The following DLG2 variants were observed in gnomAD, a reference collection of about 807,000 sequenced individuals.
The protein encoded by DLG2 is disks large homolog 2.
A neutral mutation model predicts 132.5 loss-of-function variants in DLG2; 45 were observed. That is an observed-to-expected ratio of 0.34 (90% confidence interval 0.27 to 0.44). The LOEUF is 0.44. DLG2 is among the 20% of genes least tolerant of loss of function. The pLI is 1.00. For synonymous variants in DLG2, 424 were observed against 419.6 expected (o/e 1.01, Z -0.13); for missense variants, 1,045 against 1,196.9 (o/e 0.87, Z 1.87).
At chr11:83,882,971 GCCAC>G (rs1287036717) in intron 15 of DLG2, among the ~76,000 whole-genome samples, 2 of 152,110 alleles carry the variant, frequency 1.3e-5, no homozygotes, top group African/African-American at 2.4e-5. Context: ...TCCATCCTGT[GCCAC>G]TGCGACCCAT....
intron 6 of DLG2, among the ~76,000 whole-genome samples, chr11:84,860,113 C>T (rs1462321109): frequency 1.3e-5 from 2 of 152,144 alleles, no homozygotes; most frequent in East Asian, 3.9e-4. Flanking sequence ...CAGAAATCAA[C>T]AAACATTTGT....
chr11:83,650,212 C>T (rs1350251112), intron 18 of DLG2, among the ~76,000 whole-genome samples: 1 of 152,170 alleles, frequency 6.6e-6, no homozygotes. Flanking sequence ...ACTTGCTATG[C>T]TGAAAGGGAC....
At chr11:84,419,447 CTATT>C (rs1453423349) in intron 7 of DLG2, among the ~76,000 whole-genome samples, 1 of 152,158 alleles carries the variant, frequency 6.6e-6, no homozygotes, top group East Asian at 1.9e-4. Context: ...GAAGTAAAAT[CTATT>C]TATTCTGGAC....
At chr11:84,999,393 C>T (rs1296266415) in intron 6 of DLG2, among the ~76,000 whole-genome samples, 3 of 152,084 alleles carry the variant, frequency 2.0e-5, no homozygotes, top group Admixed American at 2.0e-4. Flanking sequence ...TTAAAACCAT[C>T]ATGTTCAAAG....
chr11:83,631,671 A>AT (rs1374095548), intron 19 of DLG2: 2 of 152,130 alleles, frequency 1.3e-5, no homozygotes, highest in Non-Finnish European at 2.9e-5. Flanking sequence ...TTAGCAATAT[A>AT]TTTCAGCAAA....
chr11:84,793,753 G>C lies in DLG2; in HGVS notation c.358-259022C>G, dbSNP rs202074798. On this transcript the variant is annotated intron_variant, in intron 6 of 27. Transcript: ENST00000376104. ...TCTTTTTTTGGTTTCCATTAGCATG[G>C]AATATCTTTTTCTATTTTTATTCTA... is the stretch of plus-strand genomic sequence containing the variant. Among the ~76,000 whole-genome samples the C allele has an allele frequency of 9.9e-5, 15 of 152,048 alleles. No individual in the cohort carries two copies. The East Asian group carries it at 2.1e-3, about 21-fold the overall frequency.
At chr11:84,362,096 G>T (rs556243113) in intron 7 of DLG2, among the ~76,000 whole-genome samples, 9 of 151,890 alleles carry the variant, frequency 5.9e-5, no homozygotes, top group Non-Finnish European at 1.3e-4. Context: ...TTAAAAGGTA[G>T]AGATTGATGG....
chr11:84,022,818 A>G (rs1338526811), intron 11 of DLG2, among the ~76,000 whole-genome samples: 1 of 152,156 alleles, frequency 6.6e-6, no homozygotes, highest in Non-Finnish European at 1.5e-5. Flanking sequence ...TATATTAAAC[A>G]AGCAGGTTTT....
chr11:83,883,938 T>C (rs186516720), intron 15 of DLG2, among the ~76,000 whole-genome samples: 3 of 152,272 alleles, frequency 2.0e-5, no homozygotes, highest in African/African-American at 7.2e-5. Flanking sequence ...AAATTTTAGT[T>C]AGAAATTTTA....
intron 3 of DLG2, among the ~76,000 whole-genome samples, chr11:85,480,426 A>G (rs2153088434): frequency 6.6e-6 from 1 of 152,334 alleles, no homozygotes; most frequent in Non-Finnish European, 1.5e-5. Context: ...AAAAAAGTGA[A>G]CAGGAGCTAC....
intron 6 of DLG2, among the ~76,000 whole-genome samples, chr11:84,705,324 CA>C (rs2059672901): frequency 6.6e-6 from 1 of 151,644 alleles, no homozygotes; most frequent in African/African-American, 2.4e-5. Context: ...AAGACCAGAG[CA>C]ACATGGCTGA....
intron 8 of DLG2, among the ~76,000 whole-genome samples, chr11:84,192,514 A>C (rs1285057269): frequency 6.6e-6 from 1 of 152,166 alleles, no homozygotes; most frequent in Admixed American, 6.5e-5. Flanking sequence ...GTGGATCATG[A>C]GGTCAAGAGA....
At chr11:84,917,785 T>G (rs55994072) in intron 6 of DLG2, among the ~76,000 whole-genome samples, 6 of 152,294 alleles carry the variant, frequency 3.9e-5, no homozygotes, top group Non-Finnish European at 8.8e-5. Context: ...TAAGTAGGCT[T>G]AGATATTATA....
At chr11:85,236,743 A>G (rs2075607716) in intron 4 of DLG2, among the ~76,000 whole-genome samples, 1 of 152,030 alleles carries the variant, frequency 6.6e-6, no homozygotes, top group South Asian at 2.1e-4. Flanking sequence ...TGTGCATATA[A>G]CAAATGAGGA....
intron 9 of DLG2, 138 bp from the exon 10 acceptor site, chr11:84,099,185 C>T: frequency 2.8e-6 from 2 of 716,056 alleles, no homozygotes; most frequent in Admixed American, 2.8e-5. Context: ...ATAAAGTGCA[C>T]AGTTAGCAGA....
intron 8 of DLG2, among the ~76,000 whole-genome samples, chr11:84,195,111 G>A (rs902678289): frequency 6.6e-5 from 10 of 152,136 alleles, no homozygotes; most frequent in Admixed American, 1.3e-4. Context: ...CAGAGCAAGC[G>A]AGGGCTGCTA....
rs1307508567 is a variant in DLG2, at chr11:83,874,276, G to GAA, written c.1565+143_1565+144insTT. On this transcript the variant is annotated intron_variant, in intron 16 of 27. Coordinates refer to ENST00000376104, the MANE Select transcript of DLG2 (RefSeq NM_001142699.3). ...GGAAGGAAGGAAAGAAGGAAGGAAG[G>GAA]GGAGAAGGAAGGAAGGGAGGAAGGA... 28 of 119,982 alleles carry GAA rather than the reference G, an allele frequency of 2.3e-4. No individual in the cohort carries two copies. In the Middle Eastern group the frequency reaches 3.2e-3, roughly 14 times the overall value. The allele number at this position is 119,982 out of a possible 1,614,324, so 7.4% of individuals were successfully genotyped here. A position where few individuals can be genotyped will look rare whatever the true frequency, so the allele number is the denominator to read the frequency against.
chr11:84,035,721 GT>G (rs34764316), intron 11 of DLG2, among the ~76,000 whole-genome samples: 3,396 of 152,254 alleles, frequency 0.022, 68 homozygotes, highest in Middle Eastern at 0.034. Flanking sequence ...TACTCAAGCT[GT>G]TGTGTGAAGA....
At chr11:84,265,019 TAA>T in intron 7 of DLG2, among the ~76,000 whole-genome samples, 1 of 152,300 alleles carries the variant, frequency 6.6e-6, no homozygotes, top group South Asian at 2.1e-4. Context: ...AAAGTAGTAA[TAA>T]AAGAGTTTAG....
Sources: gnomAD v4.1 joint callset for allele counts (sites outside exome capture counted in the v4.1 genomes callset) on GRCh38, gnomAD v4.1.1 for gene constraint, MANE v1.5 for transcripts, NCBI Gene and HGNC (gene_info 2026-07-23, HGNC 2026-07-21) for gene names.